The following ZNF273 variants were observed in gnomAD, a reference collection of about 807,000 sequenced individuals.
ZNF273 encodes zinc finger protein 9.
ZNF273 carries 11 observed loss-of-function variants against 14.9 expected under a neutral mutation model. The ratio of observed to expected loss-of-function variants is 0.74; its 90% confidence interval spans 0.46 to 1.22. The LOEUF is 1.22. Among genes scored for constraint, ZNF273 ranks in the 50% most tolerant of loss-of-function variants. ZNF273 has a pLI of 0.00. For synonymous variants in ZNF273, 199 were observed against 223.9 expected (o/e 0.89, Z 0.99); for missense variants, 577 against 660.6 (o/e 0.87, Z 1.39).
intron 2 of ZNF273, 45 bp from the exon 3 acceptor site, chr7:64,918,152 G>T (rs753613966): frequency 6.6e-7 from 1 of 1,507,596 alleles, no homozygotes; most frequent in South Asian, 1.1e-5. Context: ...GTTGATAATT[G>T]GAGAATATGA....
At chr7:64,884,874 T>C (rs1258511033) in intron 1 of ZNF273, among the ~76,000 whole-genome samples, 2 of 152,256 alleles carry the variant, frequency 1.3e-5, no homozygotes, top group African/African-American at 2.4e-5. Context: ...ACTTTTAGGC[T>C]TCCACAGTGA....
At chr7:64,904,325 G>A (rs1470548350) in intron 1 of ZNF273, among the ~76,000 whole-genome samples, 4 of 152,302 alleles carry the variant, frequency 2.6e-5, no homozygotes, top group Middle Eastern at 3.4e-3. Flanking sequence ...CCTGAGCTCA[G>A]GCAATCCACC....
intron 1 of ZNF273, among the ~76,000 whole-genome samples, chr7:64,888,076 G>T (rs1025021526): frequency 5.3e-5 from 8 of 152,154 alleles, no homozygotes; most frequent in Admixed American, 3.9e-4. Context: ...AGTGGGACCT[G>T]TCTCCACCTT....
exon 2 of ZNF273, chr7:64,878,436 G>T (rs1171821853): frequency 6.6e-6 from 1 of 152,392 alleles, no homozygotes; most frequent in African/African-American, 2.4e-5. Flanking sequence ...CTTCAGGTGG[G>T]GAGGCGAGCA....
At chr7:64,881,236 G>A (rs1179189196), downstream of ZNF273, among the ~76,000 whole-genome samples, 2 of 152,208 alleles carry the variant, frequency 1.3e-5, no homozygotes, top group Non-Finnish European at 1.5e-5. Context: ...GAGTGGGATG[G>A]ACTGAGGCTG....
At chr7:64,890,695 C>T (rs1452297042), downstream of ZNF273, among the ~76,000 whole-genome samples, 1 of 152,176 alleles carries the variant, frequency 6.6e-6, no homozygotes, top group East Asian at 1.9e-4. Context: ...GCATGGACTC[C>T]CTGGCAGGTG....
upstream of ZNF273, among the ~76,000 whole-genome samples, chr7:64,900,917 C>A (rs1226213360): frequency 2.0e-5 from 3 of 152,168 alleles, no homozygotes; most frequent in East Asian, 5.8e-4. Context: ...CTGCTCTGAA[C>A]CTAACTCTGT....
At position 64,928,157 on chromosome 7, in the gene ZNF273, C is replaced by CTTA; in HGVS notation, c.830_832dup (p.Leu277_Thr278insIle). On this transcript the variant is annotated inframe_insertion, in exon 4 of 4. Coordinates refer to ENST00000476120, the MANE Select transcript of ZNF273 (RefSeq NM_021148.3). ...CAAAGCCTTTAACCAGTCCTTAACTCTTACTAAACATAAAAAAATTCATAC... is the reference window on the plus strand; with the variant it reads ...CAAAGCCTTTAACCAGTCCTTAACTCTTATTACTAAACATAAAAAAATTCATAC... 1 of 1,613,136 alleles carries CTTA rather than the reference C, an allele frequency of 6.2e-7. No homozygotes were observed.
At chr7:64,923,750 G>T (rs1380493822) in intron 3 of ZNF273, 2 of 176,944 alleles carry the variant, frequency 1.1e-5, no homozygotes, top group East Asian at 3.5e-4. Flanking sequence ...TTATGGGTAT[G>T]AAAATGACTC....
rs1377650151 is a variant in ZNF273 at position 64,930,957 on chromosome 7, AATAC to A, written c.*1926_*1929del. The stretch of plus-strand genomic sequence containing the variant: ...ATAAAAATTACAAAAGTATGAATAA[AATAC>A]ATACATTTCTGAGTCCTGAATATTT... On this transcript the variant is annotated 3_prime_UTR_variant, in exon 4 of 4. Coordinates refer to ENST00000476120, the MANE Select transcript of ZNF273 (RefSeq NM_021148.3). 3.9e-5 allele frequency: 6 copies of A among 152,188 alleles called. No homozygotes were observed. Among genetic ancestry groups the A allele is most frequent in the African/African-American group, 4.8e-5 (2 of 41,456 alleles). The allele number at this position is 152,188 out of a possible 1,614,324, so 9.4% of individuals were successfully genotyped here.
chr7:64,900,230 A>G (rs10274837), upstream of ZNF273, among the ~76,000 whole-genome samples: 145,819 of 151,858 alleles, frequency 0.96, 70,257 homozygotes, highest in Non-Finnish European at 1. Flanking sequence ...AGGCTGAAGT[A>G]ATCCTCCCAC....
At position 64,928,961 on chromosome 7, in the gene ZNF273, A is replaced by G. The variant is rs1361002249; in HGVS notation, c.1633A>G (p.Lys545Glu). 6.2e-7 allele frequency: 1 copy of G among 1,607,682 alleles called. No homozygotes were observed. The highest frequency in any genetic ancestry group is 2.2e-5 in the East Asian group (1 of 44,820). Reference protein sequence around the residue: ...IHTGEKPYKPKRCDSAFDNTP... With the variant: ...IHTGEKPYKPERCDSAFDNTP... The stretch of plus-strand genomic sequence containing the variant: ...TACTGGAGAGAAACCATACAAACCT[A>G]AAAGATGTGACAGTGCTTTTGACAA... Residue 545 changes from lysine to glutamate, a missense_variant, in exon 4 of 4, where the codon AAA (lysine) becomes GAA (glutamate). Lys to Glu is a moderately conservative substitution (Grantham distance 56). This residue lies in a region of ZNF273 where 411 missense variants were observed against 440.4 expected (regional missense o/e 0.93). Coordinates refer to ENST00000476120, the MANE Select transcript of ZNF273 (RefSeq NM_021148.3).
chr7:64,917,288 A>C (rs1337054127), intron 1 of ZNF273, among the ~76,000 whole-genome samples: 1 of 152,230 alleles, frequency 6.6e-6, no homozygotes, highest in Non-Finnish European at 1.5e-5. Flanking sequence ...ATTCTGTATG[A>C]TGTAAATATA....
intron 1 of ZNF273, among the ~76,000 whole-genome samples, chr7:64,911,413 G>A (rs957976993): frequency 7.9e-5 from 12 of 151,402 alleles, no homozygotes; most frequent in East Asian, 2.0e-4. Flanking sequence ...ACAGGCATGC[G>A]CCACCATGCC....
intron 3 of ZNF273, among the ~76,000 whole-genome samples, chr7:64,919,083 T>G (rs1181808179): frequency 1.3e-5 from 2 of 152,222 alleles, no homozygotes; most frequent in African/African-American, 4.8e-5. Flanking sequence ...AAATATAGTT[T>G]GAAATTTTAA....
chr7:64,918,117 A>G (rs1476971739), intron 2 of ZNF273, 80 bp from the exon 3 acceptor site: 3 of 1,295,910 alleles, frequency 2.3e-6, no homozygotes, highest in East Asian at 3.4e-5. Context: ...ACTTAATTAC[A>G]TCCTCTTTAC....
intron 3 of ZNF273, among the ~76,000 whole-genome samples, chr7:64,896,936 G>T (rs1251777434): frequency 1.3e-5 from 2 of 152,154 alleles, no homozygotes; most frequent in South Asian, 4.1e-4. Flanking sequence ...AGAAAATGTG[G>T]TATATTTACA....
intron 3 of ZNF273, among the ~76,000 whole-genome samples, chr7:64,922,097 G>A (rs1377757597): frequency 1.3e-5 from 2 of 149,520 alleles, no homozygotes; most frequent in Non-Finnish European, 3.0e-5. Flanking sequence ...TTTTTCTTAA[G>A]CCACTCTGGC....
chr7:64,927,697 C>T lies in ZNF273; in HGVS notation c.369C>T (p.Gly123=). ...CCCAAGACCTTTGGCCAAAGCAGGG[C>T]TTAAAAGATTCTTTTCAAAAAGTGA... ...HFAQDLWPKQ[G]LKDSFQKVIL... The change falls in exon 4 of 4, where the codon GGC becomes GGT. Residue 123 remains glycine, a synonymous_variant. Transcript: ENST00000476120. The T allele has an allele frequency of 6.2e-7, 1 of 1,602,526 alleles. No homozygotes were observed. Among genetic ancestry groups the T allele is most frequent in the Non-Finnish European group, 8.5e-7 (1 of 1,176,088 alleles).
Sources: allele counts gnomAD v4.1 joint callset (sites outside exome capture counted in the v4.1 genomes callset), GRCh38; gene constraint gnomAD v4.1.1; regional missense constraint gnomAD v4.1.1; transcripts MANE v1.5; gene names NCBI Gene and HGNC (gene_info 2026-07-23, HGNC 2026-07-21).